The following FRA10AC1 variants were observed in gnomAD, a reference collection of about 807,000 sequenced individuals.
FRA10AC1 encodes the protein FRA10A associated CGG repeat 1, also known as protein FRA10AC1.
FRA10AC1 carries 43 observed loss-of-function variants against 56.5 expected under a neutral mutation model. The ratio of observed to expected loss-of-function variants is 0.76; its 90% CI spans 0.60 to 0.98. FRA10AC1 has a LOEUF of 0.98. FRA10AC1 is among the 50% of genes least tolerant of loss of function. FRA10AC1 has a pLI of 0.00. For synonymous variants in FRA10AC1, 112 were observed against 110.5 expected, an observed-to-expected ratio of 1.01 and a Z score of -0.09; for missense variants, 346 against 351.8, an observed-to-expected ratio of 0.98 and a Z score of 0.13.
At chr10:93,683,304 C>T (rs544963501) in intron 10 of FRA10AC1, among the ~76,000 whole-genome samples, 3 of 152,176 alleles carry the variant, frequency 2.0e-5, no homozygotes, top group African/African-American at 7.2e-5. Flanking sequence ...TATTCCCACA[C>T]ATTCAATGTG....
rs542996202 is a variant in FRA10AC1, at chr10:93,680,990, T to TA, written c.787+489dup. Among the ~76,000 whole-genome samples the TA allele has an allele frequency of 3.9e-3, 596 of 152,204 alleles. 6 individuals carry two copies. Among genetic ancestry groups the TA allele is most frequent in the African/African-American group, 0.014 (565 of 41,548 alleles). On this transcript the variant is annotated intron_variant, in intron 11 of 13. Coordinates refer to ENST00000359204, the MANE Select transcript of FRA10AC1 (RefSeq NM_145246.5). ...TCATTTCTAGAAACTCATAAACTAG[T>TA]AAAAAAAGTCACACAGGCCATTATA...
chr10:93,693,871 C>A (rs1457742152), intron 5 of FRA10AC1, among the ~76,000 whole-genome samples: 1 of 151,452 alleles, frequency 6.6e-6, no homozygotes, highest in Non-Finnish European at 1.5e-5. Context: ...GGGAGCTAAG[C>A]TATGAGGATG....
At chr10:93,702,739 T>C (rs1306149471), upstream of FRA10AC1, among the ~76,000 whole-genome samples, 1 of 151,888 alleles carries the variant, frequency 6.6e-6, no homozygotes, top group African/African-American at 2.4e-5. Context: ...TTTCGCCAAG[T>C]CGCGGCTCCC....
intron 1 of FRA10AC1, among the ~76,000 whole-genome samples, chr10:93,701,443 C>CT (rs2059330351): frequency 6.6e-6 from 1 of 152,168 alleles, no homozygotes; most frequent in African/African-American, 2.4e-5. Flanking sequence ...TCTCCCTGGA[C>CT]TTCATCTATT....
At chr10:93,701,164 T>C (rs531181317) in intron 1 of FRA10AC1, among the ~76,000 whole-genome samples, 11 of 152,270 alleles carry the variant, frequency 7.2e-5, no homozygotes, top group African/African-American at 2.4e-4. Context: ...TGCCACTCAA[T>C]TGTATTGGAA....
chr10:93,698,064 T>C (rs2059261810), intron 4 of FRA10AC1, 72 bp downstream of exon 4: 2 of 871,614 alleles, frequency 2.3e-6, no homozygotes, highest in African/African-American at 1.7e-5. Flanking sequence ...CTTCACAAGA[T>C]TTTATAAAAC....
At chr10:93,702,832 G>C (rs11187599), upstream of FRA10AC1, among the ~76,000 whole-genome samples, 14,240 of 151,528 alleles carry the variant, frequency 0.094, 783 homozygotes, top group Middle Eastern at 0.13. Flanking sequence ...CTTAGCCCAC[G>C]CCTCTCATTT....
chr10:93,700,986 C>T (rs2059322499), intron 1 of FRA10AC1, among the ~76,000 whole-genome samples: 1 of 152,126 alleles, frequency 6.6e-6, no homozygotes, highest in Non-Finnish European at 1.5e-5. Flanking sequence ...TGCATAATCA[C>T]ACCTGGCAAA....
At chr10:93,694,084 AT>A (rs2059187097) in intron 5 of FRA10AC1, among the ~76,000 whole-genome samples, 1 of 152,124 alleles carries the variant, frequency 6.6e-6, no homozygotes, top group Non-Finnish European at 1.5e-5. Flanking sequence ...TGAAATAAAA[AT>A]AAAAATTTAA....
chr10:93,687,301 T>C, intron 8 of FRA10AC1, 103 bp downstream of exon 8: 1 of 905,830 alleles, frequency 1.1e-6, no homozygotes, highest in South Asian at 1.8e-5. Flanking sequence ...CTTTTGTAGC[T>C]AATAATTTCT....
At chr10:93,700,470 T>C (rs79735002) in intron 1 of FRA10AC1, among the ~76,000 whole-genome samples, 51 of 152,350 alleles carry the variant, frequency 3.3e-4, no homozygotes, top group African/African-American at 1.1e-3. Context: ...TATCACCAAC[T>C]TTGTTCTAGA....
chr10:93,681,109 TC>T (rs2058926884), intron 11 of FRA10AC1, among the ~76,000 whole-genome samples: 1 of 152,164 alleles, frequency 6.6e-6, no homozygotes, highest in Non-Finnish European at 1.5e-5. Flanking sequence ...TATTTGAGTT[TC>T]CACAATAAGC....
intron 5 of FRA10AC1, among the ~76,000 whole-genome samples, chr10:93,694,320 C>T (rs901374360): frequency 6.6e-6 from 1 of 151,968 alleles, no homozygotes; most frequent in East Asian, 1.9e-4. Flanking sequence ...GGGTTGTGCC[C>T]GGCTCAGCAG....
chr10:93,672,433 T>A (rs1327314564), intron 12 of FRA10AC1: 1 of 154,514 alleles, frequency 6.5e-6, no homozygotes, highest in African/African-American at 2.4e-5. Context: ...AAAAAAAGAA[T>A]TAAAATCTTC....
At chr10:93,670,413 T>C (rs947884327) in intron 13 of FRA10AC1, among the ~76,000 whole-genome samples, 1 of 152,140 alleles carries the variant, frequency 6.6e-6, no homozygotes, top group Non-Finnish European at 1.5e-5. Context: ...GGGATAGCAG[T>C]ATAGAAGTGT....
At chr10:93,696,535 A>C (rs1275517047) in intron 4 of FRA10AC1, among the ~76,000 whole-genome samples, 2 of 152,254 alleles carry the variant, frequency 1.3e-5, no homozygotes, top group African/African-American at 2.4e-5. Context: ...CCATTATTGA[A>C]GACAATGTGG....
At chr10:93,692,544 T>A in intron 6 of FRA10AC1, 102 bp downstream of exon 6, 1 of 733,172 alleles carries the variant, frequency 1.4e-6, no homozygotes, top group East Asian at 2.8e-5. Flanking sequence ...GATTCAGAAC[T>A]GTTCTATGAA....
At chr10:93,683,884 T>C (rs115543014) in intron 10 of FRA10AC1, among the ~76,000 whole-genome samples, 172 bp downstream of exon 10, 51 of 152,278 alleles carry the variant, frequency 3.3e-4, no homozygotes, top group African/African-American at 1.1e-3. Flanking sequence ...GAATAGGGCA[T>C]AGCGGACTTC....
chr10:93,689,078 T>C (rs1264354199), intron 7 of FRA10AC1, among the ~76,000 whole-genome samples: 3 of 112,016 alleles, frequency 2.7e-5, no homozygotes, highest in Middle Eastern at 4.8e-3. Context: ...TTTTTTTTTT[T>C]CAGCCTTCCG....
Sources: allele counts gnomAD v4.1 joint callset (sites outside exome capture counted in the v4.1 genomes callset), GRCh38; gene constraint gnomAD v4.1.1; transcripts MANE v1.5; gene names NCBI Gene and HGNC (gene_info 2026-07-23, HGNC 2026-07-21).